The following ADAMTS17 variants were observed in gnomAD, a reference collection of about 807,000 sequenced individuals.
The protein encoded by ADAMTS17 is A disintegrin and metalloproteinase with thrombospondin motifs 17.
In ADAMTS17, 113 loss-of-function variants were observed where a neutral mutation model predicts 141.5. The ratio of observed to expected loss-of-function variants is 0.80; its 90% CI spans 0.69 to 0.93. The LOEUF (loss-of-function observed/expected upper bound fraction) is 0.93. ADAMTS17 is among the 40% of genes least tolerant of loss of function. The probability of loss-of-function intolerance (pLI) is 0.00; values close to 1 mark genes in which losing one functional copy is unlikely to be tolerated. For synonymous variants in ADAMTS17, 768 were observed against 630.6 expected, an observed-to-expected ratio of 1.22 and a Z score of -3.27; for missense variants, 1,659 against 1,517.9, an observed-to-expected ratio of 1.09 and a Z score of -1.54.
At chr15:100,150,483 C>A (rs2039108679) in intron 10 of ADAMTS17, among the ~76,000 whole-genome samples, 2 of 152,086 alleles carry the variant, frequency 1.3e-5, no homozygotes, top group Non-Finnish European at 2.9e-5. Flanking sequence ...GGTTAAAAGC[C>A]CTTGCCTTTG....
intron 10 of ADAMTS17, among the ~76,000 whole-genome samples, chr15:100,138,990 G>A (rs540647367): frequency 1.4e-4 from 21 of 152,140 alleles, no homozygotes; most frequent in Non-Finnish European, 2.1e-4. Flanking sequence ...GCTTGAAGGC[G>A]CATGGGGGGT....
At chr15:100,155,101 C>T in intron 9 of ADAMTS17, 79 bp downstream of exon 9, 1 of 1,605,500 alleles carries the variant, frequency 6.2e-7, no homozygotes, top group Non-Finnish European at 8.5e-7. Flanking sequence ...CCACTTCACA[C>T]TTGCTGAGAC....
At chr15:100,015,108 A>G (rs2061261476) in intron 18 of ADAMTS17, among the ~76,000 whole-genome samples, 1 of 152,224 alleles carries the variant, frequency 6.6e-6, no homozygotes, top group African/African-American at 2.4e-5. Flanking sequence ...TTTTACCATT[A>G]TATGATGTCT....
At chr15:100,075,720 T>TG (rs531244890) in intron 15 of ADAMTS17, among the ~76,000 whole-genome samples, 122 of 152,310 alleles carry the variant, frequency 8.0e-4, no homozygotes, top group South Asian at 4.8e-3. Flanking sequence ...GGTTTTCTTT[T>TG]GGGGGGGATA....
chr15:99,981,945 T>C (rs1202906456), intron 20 of ADAMTS17, among the ~76,000 whole-genome samples: 1 of 152,196 alleles, frequency 6.6e-6, no homozygotes, highest in Non-Finnish European at 1.5e-5. Context: ...AGAGTTTTGA[T>C]GGAGAGGCCA....
intron 4 of ADAMTS17, among the ~76,000 whole-genome samples, chr15:100,278,508 T>G (rs1156938848): frequency 2.0e-5 from 3 of 151,960 alleles, no homozygotes; most frequent in Non-Finnish European, 4.4e-5. Flanking sequence ...CCTTGGCAAG[T>G]GTACCTTGCA....
At chr15:100,173,394 G>T (rs1385939650) in intron 8 of ADAMTS17, among the ~76,000 whole-genome samples, 1 of 152,136 alleles carries the variant, frequency 6.6e-6, no homozygotes, top group Non-Finnish European at 1.5e-5. Flanking sequence ...AAGTATGCCT[G>T]CTAGAGTTTC....
intron 7 of ADAMTS17, 138 bp from the exon 8 acceptor site, chr15:100,199,561 T>A: frequency 1.3e-6 from 1 of 774,900 alleles, no homozygotes; most frequent in East Asian, 2.5e-5. Flanking sequence ...TCAGCCCACC[T>A]GGGAAGGGTT....
In ADAMTS17 at chr15:100,152,808, G is replaced by A. The variant is rs544701245; in HGVS notation, c.1323-46C>T. The A allele has an allele frequency of 6.9e-6, 11 of 1,594,918 alleles. No individual in the cohort carries two copies. In the East Asian group the frequency reaches 1.6e-4, roughly 23 times the overall value. ...GTTGACTTGCAAATGTACTGCCTAG[G>A]TTTTTTTGTTTTCTTTTTCTTTTTT... is the stretch of plus-strand genomic sequence containing the variant. On this transcript the variant is annotated intron_variant, in intron 9 of 21. Transcript: ENST00000268070.
At chr15:100,291,849 G>T (rs1420064098) in intron 3 of ADAMTS17, among the ~76,000 whole-genome samples, 1 of 152,166 alleles carries the variant, frequency 6.6e-6, no homozygotes, top group Admixed American at 6.5e-5. Flanking sequence ...ATTTACCTAG[G>T]TGATGAAATA....
intron 3 of ADAMTS17, among the ~76,000 whole-genome samples, chr15:100,303,969 C>G (rs1398786057): frequency 6.6e-6 from 1 of 152,208 alleles, no homozygotes; most frequent in African/African-American, 2.4e-5. Flanking sequence ...GGTGATCCAC[C>G]CGCTTCGGCC....
At chr15:100,250,359 C>T (rs750826864) in intron 7 of ADAMTS17, among the ~76,000 whole-genome samples, 8 of 152,282 alleles carry the variant, frequency 5.3e-5, no homozygotes, top group East Asian at 3.9e-4. Flanking sequence ...ATCTCACGCT[C>T]GAGCTGGATC....
At chr15:100,107,104 T>C (rs2036456680) in intron 14 of ADAMTS17, among the ~76,000 whole-genome samples, 1 of 152,238 alleles carries the variant, frequency 6.6e-6, no homozygotes, top group Non-Finnish European at 1.5e-5. Context: ...TGATTTGGCC[T>C]TAGCAGGAAA....
intron 15 of ADAMTS17, among the ~76,000 whole-genome samples, chr15:100,069,914 G>A (rs2033845437): frequency 6.7e-6 from 1 of 150,210 alleles, no homozygotes; most frequent in African/African-American, 2.5e-5. Context: ...AAATGTAAAT[G>A]GGCTAAATGC....
intron 15 of ADAMTS17, among the ~76,000 whole-genome samples, chr15:100,082,193 G>C (rs1160770333): frequency 1.3e-5 from 2 of 152,058 alleles, no homozygotes; most frequent in African/African-American, 4.8e-5. Flanking sequence ...GGCCTCCCGA[G>C]TAGCTGGGAC....
At chr15:100,209,243 C>T (rs1055668160) in intron 7 of ADAMTS17, among the ~76,000 whole-genome samples, 49 of 151,672 alleles carry the variant, frequency 3.2e-4, no homozygotes, top group Non-Finnish European at 5.2e-4. Flanking sequence ...TTTAGTGAAA[C>T]CTCGGGACAA....
chr15:100,216,776 C>T (rs2041981302), intron 7 of ADAMTS17, among the ~76,000 whole-genome samples: 1 of 152,206 alleles, frequency 6.6e-6, no homozygotes, highest in Non-Finnish European at 1.5e-5. Context: ...CACCCCTGCT[C>T]ATCAAGGGGA....
At chr15:100,293,336 C>A (rs896546765) in intron 3 of ADAMTS17, among the ~76,000 whole-genome samples, 1 of 152,204 alleles carries the variant, frequency 6.6e-6, no homozygotes, top group African/African-American at 2.4e-5. Context: ...CTGTTTTTTA[C>A]TGGGTGGCAT....
chr15:100,221,117 C>T (rs28402765), intron 7 of ADAMTS17, among the ~76,000 whole-genome samples: 26,536 of 152,094 alleles, frequency 0.17, 4,347 homozygotes, highest in African/African-American at 0.41. Flanking sequence ...TTTAATACCA[C>T]CAGTTTGACG....
Sources: allele counts gnomAD v4.1 joint callset (sites outside exome capture counted in the v4.1 genomes callset), GRCh38; gene constraint gnomAD v4.1.1; transcripts MANE v1.5; gene names NCBI Gene and HGNC (gene_info 2026-07-23, HGNC 2026-07-21).